Variants in PDE7A observed in about 807,000 individuals in gnomAD.
The protein encoded by PDE7A is high affinity 3',5'-cyclic-AMP phosphodiesterase 7A.
Under a neutral mutation model 64.3 loss-of-function variants are expected in PDE7A, and 39 were observed. The ratio of observed to expected loss-of-function variants is 0.61; its 90% CI spans 0.47 to 0.79. The LOEUF is 0.79. Ranked by LOEUF, PDE7A falls within the 30% of genes least tolerant of loss-of-function variation. The pLI, the probability that PDE7A is intolerant of heterozygous loss-of-function variation, is 0.00. For missense variants in PDE7A, 470 were observed against 582.8 expected, an observed-to-expected ratio of 0.81 and a Z score of 1.99; for synonymous variants, 203 against 206.8, an observed-to-expected ratio of 0.98 and a Z score of 0.16.
intron 7 of PDE7A, among the ~76,000 whole-genome samples, chr8:65,730,918 A>G (rs891275705): frequency 3.3e-5 from 5 of 152,178 alleles, no homozygotes; most frequent in African/African-American, 1.2e-4. Flanking sequence ...GTGAGACTCC[A>G]TCTGAAAAAC....
intron 5 of PDE7A, among the ~76,000 whole-genome samples, chr8:65,744,208 TACAAAACAAAACAAA>T (rs140231902): frequency 9.2e-5 from 14 of 151,484 alleles, no homozygotes; most frequent in Non-Finnish European, 1.6e-4. Flanking sequence ...TTAGTTGTGT[TACAAAACAAAACAAA>T]ACAAAACAAA....
intron 7 of PDE7A, 112 bp downstream of exon 7, chr8:65,734,682 G>T: frequency 1.5e-6 from 1 of 666,772 alleles, no homozygotes. Flanking sequence ...TCATTCTTGT[G>T]AAGGAAGTCT....
intron 1 of PDE7A, among the ~76,000 whole-genome samples, chr8:65,840,417 C>T (rs1811052914): frequency 7.8e-6 from 1 of 127,440 alleles, no homozygotes; most frequent in Admixed American, 7.4e-5. Context: ...CACACACACA[C>T]ACACACACAC....
At chr8:65,832,320 C>T (rs149659382) in intron 1 of PDE7A, among the ~76,000 whole-genome samples, 61 of 152,238 alleles carry the variant, frequency 4.0e-4, no homozygotes, top group Admixed American at 1.2e-3. Flanking sequence ...CTATAATCTA[C>T]TTCATCATTT....
intron 3 of PDE7A, among the ~76,000 whole-genome samples, chr8:65,778,089 T>C (rs1396253419): frequency 6.6e-6 from 1 of 152,210 alleles, no homozygotes; most frequent in Admixed American, 6.5e-5. Flanking sequence ...GGTTTTGACC[T>C]TGCATCCCTT....
At chr8:65,729,364 C>CT (rs10540107) in intron 7 of PDE7A, among the ~76,000 whole-genome samples, 19,218 of 79,758 alleles carry the variant, frequency 0.24, 1,939 homozygotes, top group Non-Finnish European at 0.32. Flanking sequence ...TTGGTGGTAG[C>CT]TTTTTTTTTT....
At chr8:65,833,070 G>A (rs897331849) in intron 1 of PDE7A, among the ~76,000 whole-genome samples, 3 of 152,200 alleles carry the variant, frequency 2.0e-5, no homozygotes, top group Non-Finnish European at 4.4e-5. Flanking sequence ...AGTAGGAAGA[G>A]TGCACAGCAA....
At chr8:65,769,953 C>T (rs947010607) in intron 3 of PDE7A, among the ~76,000 whole-genome samples, 9 of 151,752 alleles carry the variant, frequency 5.9e-5, no homozygotes, top group Non-Finnish European at 1.3e-4. Flanking sequence ...AGTATAAACC[C>T]GTGATTTTTA....
At chr8:65,736,794 T>G (rs1807154119) in intron 6 of PDE7A, among the ~76,000 whole-genome samples, 1 of 150,862 alleles carries the variant, frequency 6.6e-6, no homozygotes, top group Admixed American at 6.6e-5. Flanking sequence ...TTATCTGTTT[T>G]TTTTTTTTTT....
chr8:65,831,025 T>C (rs777068277), intron 1 of PDE7A, among the ~76,000 whole-genome samples: 53 of 152,102 alleles, frequency 3.5e-4, no homozygotes, highest in Non-Finnish European at 6.8e-4. Flanking sequence ...AATCCCCTCA[T>C]ATACATTTAA....
chr8:65,756,305 T>A (rs1263540241), intron 3 of PDE7A, among the ~76,000 whole-genome samples: 1 of 152,236 alleles, frequency 6.6e-6, no homozygotes, highest in African/African-American at 2.4e-5. Context: ...CATGTCTTCA[T>A]CAGATTTGGG....
chr8:65,790,484 T>A (rs1480256292), intron 1 of PDE7A, among the ~76,000 whole-genome samples: 2 of 152,160 alleles, frequency 1.3e-5, no homozygotes, highest in African/African-American at 4.8e-5. Context: ...ATTATCAATG[T>A]ACACAAATGA....
At chr8:65,785,073 TAA>T (rs1375702455) in intron 1 of PDE7A, among the ~76,000 whole-genome samples, 2 of 152,068 alleles carry the variant, frequency 1.3e-5, no homozygotes, top group South Asian at 2.1e-4. Context: ...CCCAAAACAT[TAA>T]GTTATTATAT....
At chr8:65,738,731 C>T (rs1157000103) in intron 6 of PDE7A, among the ~76,000 whole-genome samples, 1 of 152,162 alleles carries the variant, frequency 6.6e-6, no homozygotes, top group Non-Finnish European at 1.5e-5. Context: ...CCACACCTGG[C>T]CCCAAATAAT....
intron 1 of PDE7A, among the ~76,000 whole-genome samples, chr8:65,835,044 T>TA (rs143834233): frequency 0.048 from 7,304 of 152,214 alleles, 489 homozygotes; most frequent in African/African-American, 0.15. Flanking sequence ...GGCAACAATA[T>TA]AAAAAAATCA....
chr8:65,806,651 C>T (rs987207645), intron 1 of PDE7A, among the ~76,000 whole-genome samples: 2 of 152,220 alleles, frequency 1.3e-5, no homozygotes, highest in Non-Finnish European at 2.9e-5. Flanking sequence ...CACCTCTGTG[C>T]ATGTAAGTGA....
intron 1 of PDE7A, chr8:65,838,419 C>G (rs1401463451): frequency 2.6e-5 from 4 of 152,180 alleles, no homozygotes; most frequent in African/African-American, 9.7e-5. Flanking sequence ...CTCACATTAA[C>G]CATTTGAAAT....
intron 4 of PDE7A, among the ~76,000 whole-genome samples, chr8:65,746,387 T>C (rs892871052): frequency 2.0e-5 from 3 of 152,200 alleles, no homozygotes; most frequent in African/African-American, 7.2e-5. Flanking sequence ...CATGCTTAAA[T>C]TATTTGTTAT....
intron 4 of PDE7A, among the ~76,000 whole-genome samples, chr8:65,746,038 C>T (rs1264899314): frequency 2.0e-5 from 3 of 151,876 alleles, no homozygotes; most frequent in African/African-American, 4.9e-5. Flanking sequence ...TCGAGCAATC[C>T]TCCTGTCTCA....
Sources: allele counts gnomAD v4.1 joint callset (sites outside exome capture counted in the v4.1 genomes callset), GRCh38; gene constraint gnomAD v4.1.1; transcripts MANE v1.5; gene names NCBI Gene and HGNC (gene_info 2026-07-23, HGNC 2026-07-21).